The following SLC22A23 variants were observed in gnomAD, a reference collection of about 807,000 sequenced individuals.
SLC22A23 encodes ion transporter protein.
In SLC22A23, 26 loss-of-function variants were observed where a neutral mutation model predicts 61.0. That is an observed-to-expected ratio of 0.43 (90% CI 0.31 to 0.59). The LOEUF (loss-of-function observed/expected upper bound fraction) is 0.59, where lower values mean the gene tolerates loss of function less well. Among genes scored for constraint, SLC22A23 ranks in the 20% least tolerant of loss-of-function variants. The pLI is 0.11. For missense variants in SLC22A23, 796 were observed against 934.7 expected, an observed-to-expected ratio of 0.85 and a Z score of 1.94; for synonymous variants, 430 against 413.9, an observed-to-expected ratio of 1.04 and a Z score of -0.47.
chr6:3,369,345 T>C (rs146941841), intron 3 of SLC22A23, among the ~76,000 whole-genome samples: 259 of 152,330 alleles, frequency 1.7e-3, no homozygotes, highest in African/African-American at 6.1e-3. Flanking sequence ...TTCAAGGTAG[T>C]AGTATCCACA....
chr6:3,404,224 C>T (rs1768637616), intron 3 of SLC22A23, among the ~76,000 whole-genome samples: 1 of 152,088 alleles, frequency 6.6e-6, no homozygotes, highest in African/African-American at 2.4e-5. Context: ...GATCTACCTT[C>T]ACCAAATTCA....
At chr6:3,321,354 C>G (rs879274561) in intron 4 of SLC22A23, among the ~76,000 whole-genome samples, 2 of 152,278 alleles carry the variant, frequency 1.3e-5, no homozygotes, top group South Asian at 4.1e-4. Flanking sequence ...ACCTTGGGAC[C>G]GCCATCCTCA....
chr6:3,367,952 T>C (rs1765943226), intron 3 of SLC22A23, among the ~76,000 whole-genome samples: 1 of 152,208 alleles, frequency 6.6e-6, no homozygotes, highest in African/African-American at 2.4e-5. Context: ...TGTCTCAGCC[T>C]CATTCAGAAA....
Position 3,286,208 on chromosome 6 carries a change from T to C in SLC22A23, c.1546+651A>G, listed in dbSNP as rs1386873737. ...CTGCCTCCCAAGTTCAAGTGATTCT[T>C]CTGCCTCAGCCTCCTGAGTAGCTGG... On this transcript the variant is annotated intron_variant, in intron 7 of 9. Coordinates refer to ENST00000406686, the MANE Select transcript of SLC22A23 (RefSeq NM_015482.2). This position sits in a 1 kb window ranked among gnomAD's most constrained non-coding sequence, Gnocchi z 4.2. Among the ~76,000 whole-genome samples the C allele has an allele frequency of 6.6e-6, 1 of 151,942 alleles. No homozygotes were observed. The highest frequency in any genetic ancestry group is 1.5e-5 in the Non-Finnish European group (1 of 67,978).
chr6:3,310,487 A>C (rs1762314004), intron 4 of SLC22A23, among the ~76,000 whole-genome samples: 2 of 152,016 alleles, frequency 1.3e-5, no homozygotes, highest in African/African-American at 4.8e-5. Context: ...ATGATTTAAC[A>C]GTGGTGTGTT....
chr6:3,323,715 A>G (rs1392821446), intron 4 of SLC22A23, 119 bp downstream of exon 4: 1 of 1,203,422 alleles, frequency 8.3e-7, no homozygotes, highest in East Asian at 2.6e-5. Flanking sequence ...ACCTTCTCAG[A>G]CAGAACCACA....
chr6:3,434,915 T>C (rs932619077), intron 1 of SLC22A23, among the ~76,000 whole-genome samples: 1 of 152,174 alleles, frequency 6.6e-6, no homozygotes, highest in Non-Finnish European at 1.5e-5. Flanking sequence ...CTGAGGTTCT[T>C]AGCAGGTGTG....
In SLC22A23 at chr6:3,318,237, A is replaced by G. The variant is rs1186714396; in HGVS notation, c.1082+5597T>C. ...TAACATCTGGAGCCTTGCTGATTCC[A>G]GAGAGGCTGCTCCTCCCAGGGTTCG... On this transcript the variant is annotated intron_variant, in intron 4 of 9. Coordinates refer to ENST00000406686, the MANE Select transcript of SLC22A23 (RefSeq NM_015482.2). The surrounding 1 kb of genome is among the most constrained non-coding windows in gnomAD (Gnocchi z 4.3). Among the ~76,000 whole-genome samples the G allele has an allele frequency of 6.6e-6, 1 of 152,188 alleles. No homozygotes were observed. The highest frequency in any genetic ancestry group is 6.5e-5 in the Admixed American group (1 of 15,284).
Position 3,286,727 on chromosome 6 carries a change from T to C in SLC22A23, c.1546+132A>G. On this transcript the variant is annotated intron_variant, in intron 7 of 9. Transcript: ENST00000406686. This position sits in a 1 kb window ranked among gnomAD's most constrained non-coding sequence, Gnocchi z 4.2. ...CAGATGCTCTCAACTGAAGCTCTGTTCTCCCCAAAGCAGCTCCTTCCAGCA... is the reference window on the plus strand; with the variant it reads ...CAGATGCTCTCAACTGAAGCTCTGTCCTCCCCAAAGCAGCTCCTTCCAGCA... 1.2e-6 allele frequency: 1 copy of C among 818,494 alleles called. No homozygotes were observed. The highest frequency in any genetic ancestry group is 1.9e-6 in the Non-Finnish European group (1 of 521,678). The allele number at this position is 818,494 out of a possible 1,614,324, so 50.7% of individuals were successfully genotyped here. A position where few individuals can be genotyped will look rare whatever the true frequency, so the allele number is the denominator to read the frequency against.
intron 3 of SLC22A23, among the ~76,000 whole-genome samples, chr6:3,394,737 C>T (rs1010461423): frequency 6.6e-5 from 10 of 152,220 alleles, no homozygotes; most frequent in African/African-American, 2.4e-4. Context: ...GTCTCCACGT[C>T]GCTCTGAGGC....
intron 2 of SLC22A23, among the ~76,000 whole-genome samples, chr6:3,411,753 A>C (rs577546900): frequency 1.1e-4 from 16 of 152,350 alleles, no homozygotes; most frequent in African/African-American, 3.8e-4. Context: ...CATTCCCATC[A>C]GTCACTTTGG....
rs1464567427 is a variant in SLC22A23 at position 3,414,986 on chromosome 6, A to G, written c.758+766T>C. ...TTCAAGTTCTGGCTCTCCAGCTTAA[A>G]GCTGAGTGAACTTGGAGATTTTACT... On this transcript the variant is annotated intron_variant, in intron 2 of 9. Transcript: ENST00000406686. This position sits in a 1 kb window ranked among gnomAD's most constrained non-coding sequence, Gnocchi z 5.1. Among the ~76,000 whole-genome samples the G allele has an allele frequency of 6.6e-6, 1 of 152,198 alleles. No homozygotes were observed. The highest frequency in any genetic ancestry group is 1.5e-5 in the Non-Finnish European group (1 of 68,030).
At chr6:3,276,768 T>G (rs1177031817) in intron 9 of SLC22A23, 1 of 152,216 alleles carries the variant, frequency 6.6e-6, no homozygotes. Context: ...ATTAGATGAT[T>G]GTCAAGACTG....
At chr6:3,421,031 A>G (rs1429806001) in intron 1 of SLC22A23, among the ~76,000 whole-genome samples, 2 of 152,090 alleles carry the variant, frequency 1.3e-5, no homozygotes, top group African/African-American at 2.4e-5. Flanking sequence ...AACCTGGAAG[A>G]CAGAAGCTGC....
At chr6:3,444,884 A>T in intron 1 of SLC22A23, 1 of 985,516 alleles carries the variant, frequency 1.0e-6, no homozygotes, top group Non-Finnish European at 1.2e-6. Context: ...CAAGGAATAA[A>T]TCGCCCTTCC....
chr6:3,288,659 T>G (rs1014283691), intron 6 of SLC22A23, among the ~76,000 whole-genome samples: 9 of 152,236 alleles, frequency 5.9e-5, no homozygotes, highest in African/African-American at 2.2e-4. Context: ...ACTCACCATC[T>G]TATGTCAAAT....
At chr6:3,278,216 A>C (rs1759091488) in intron 9 of SLC22A23, among the ~76,000 whole-genome samples, 1 of 152,352 alleles carries the variant, frequency 6.6e-6, no homozygotes, top group East Asian at 1.9e-4. Context: ...TGAGTGACAG[A>C]TTCCCCTGCC....
rs1215663921 is a variant in SLC22A23 at position 3,386,817 on chromosome 6, G to A, written c.913+23371C>T. 1.3e-5 allele frequency among the ~76,000 whole-genome samples: 2 copies of A among 152,220 alleles called. No homozygotes were observed. The highest frequency in any genetic ancestry group is 3.9e-4 in the East Asian group (2 of 5,190). On this transcript the variant is annotated intron_variant, in intron 3 of 9. Coordinates refer to ENST00000406686, the MANE Select transcript of SLC22A23 (RefSeq NM_015482.2). The surrounding 1 kb of genome is among the most constrained non-coding windows in gnomAD (Gnocchi z 4.4). ...TCTGCATACTCTGATGCTGACACAC[G>A]GACCTGGCAGCAACATGGGGAACAA...
At chr6:3,436,991 C>T (rs1771257160) in intron 1 of SLC22A23, among the ~76,000 whole-genome samples, 2 of 152,178 alleles carry the variant, frequency 1.3e-5, no homozygotes, top group South Asian at 4.1e-4. Flanking sequence ...ATCCATACAT[C>T]CTCAGTCTGT....
Sources: gnomAD v4.1 joint callset for allele counts (sites outside exome capture counted in the v4.1 genomes callset) on GRCh38, gnomAD v4.1.1 for gene constraint, Gnocchi (gnomAD v3.1) non-coding constraint, MANE v1.5 for transcripts, NCBI Gene and HGNC (gene_info 2026-07-23, HGNC 2026-07-21) for gene names.